The following ATL2 variants were observed in gnomAD, a reference collection of about 807,000 sequenced individuals.
ATL2 encodes the protein atlastin GTPase 2, also known as atlastin-2.
A neutral mutation model predicts 73.9 loss-of-function variants in ATL2; 31 were observed. The observed-to-expected ratio is 0.42, with a 90% CI of 0.32 to 0.57. The LOEUF is 0.57. ATL2 is among the 20% of genes least tolerant of loss of function. ATL2 has a pLI of 0.14. For synonymous variants in ATL2, 291 were observed against 237.5 expected (o/e 1.23, Z -2.07); for missense variants, 738 against 702.6 (o/e 1.05, Z -0.57).
chr2:38,327,957 G>A (rs946030950), intron 2 of ATL2, among the ~76,000 whole-genome samples: 2 of 151,910 alleles, frequency 1.3e-5, no homozygotes, highest in African/African-American at 4.8e-5. Context: ...TTGTCACAGT[G>A]GGTTTTTAAA....
At chr2:38,366,558 T>A (rs1671342893) in intron 1 of ATL2, among the ~76,000 whole-genome samples, 1 of 152,194 alleles carries the variant, frequency 6.6e-6, no homozygotes, top group African/African-American at 2.4e-5. Context: ...GCCTACACTT[T>A]GCTCTCTAAG....
At chr2:38,324,716 T>C (rs932278996) in intron 2 of ATL2, among the ~76,000 whole-genome samples, 10 of 152,190 alleles carry the variant, frequency 6.6e-5, no homozygotes, top group African/African-American at 2.4e-4. Context: ...TTAACATATT[T>C]TGATAAAAGG....
chr2:38,375,787 A>G (rs574746746), intron 1 of ATL2, among the ~76,000 whole-genome samples: 15 of 152,334 alleles, frequency 9.8e-5, no homozygotes, highest in Admixed American at 7.8e-4. Context: ...CTTCTTTGGT[A>G]GTTTTTTATT....
chr2:38,341,377 C>G (rs1483516820), intron 2 of ATL2, among the ~76,000 whole-genome samples: 2 of 152,136 alleles, frequency 1.3e-5, no homozygotes, highest in Non-Finnish European at 2.9e-5. Context: ...TGGCTCATAC[C>G]TGTAATCCCA....
At chr2:38,351,801 C>A (rs937984854) in intron 1 of ATL2, among the ~76,000 whole-genome samples, 7 of 148,806 alleles carry the variant, frequency 4.7e-5, no homozygotes, top group African/African-American at 1.5e-4. Flanking sequence ...CCAAAAAAAT[C>A]TATGTATTAT....
rs1345596267 is a variant in ATL2 at position 38,319,015 on chromosome 2, G to A, written c.368C>T (p.Ser123Phe). Residue 123 changes from serine to phenylalanine, a missense_variant, in exon 3 of 13, where the codon TCT becomes TTT. Ser to Phe is a radical substitution (Grantham distance 155). Coordinates refer to ENST00000378954, the MANE Select transcript of ATL2 (RefSeq NM_001135673.4). ...FMLRYMYNKD[S>F]QSWIGGNNEP... ...ATTGTTTCCACCAATCCAACTTTGAGAATCCTGTTAAAGTCAAGGATAAAT... is the reference window on the plus strand; with the variant it reads ...ATTGTTTCCACCAATCCAACTTTGAAAATCCTGTTAAAGTCAAGGATAAAT... 3 of 1,611,416 alleles carry A rather than the reference G, an allele frequency of 1.9e-6. No individual in the cohort carries two copies. Among genetic ancestry groups the A allele is most frequent in the African/African-American group, 2.7e-5 (2 of 74,778 alleles).
At chr2:38,335,389 A>T (rs1242126448) in intron 2 of ATL2, among the ~76,000 whole-genome samples, 1 of 152,226 alleles carries the variant, frequency 6.6e-6, no homozygotes, top group Non-Finnish European at 1.5e-5. Context: ...ATCCAATGAA[A>T]TATCACTCAG....
At chr2:38,309,902 C>T (rs2148419931) in intron 8 of ATL2, among the ~76,000 whole-genome samples, 1 of 152,082 alleles carries the variant, frequency 6.6e-6, no homozygotes, top group South Asian at 2.1e-4. Flanking sequence ...TTTGTCAATC[C>T]CCAAATGTTT....
intron 2 of ATL2, among the ~76,000 whole-genome samples, chr2:38,331,478 C>A (rs1396111446): frequency 6.8e-6 from 1 of 147,424 alleles, no homozygotes; most frequent in Non-Finnish European, 1.5e-5. Context: ...GGCATGGCAG[C>A]GCATGCCTGT....
At chr2:38,378,329 C>T (rs1013274980), upstream of ATL2, among the ~76,000 whole-genome samples, 2 of 152,166 alleles carry the variant, frequency 1.3e-5, no homozygotes, top group Non-Finnish European at 2.9e-5. Flanking sequence ...TGGCTCACGC[C>T]TCCCGGGTTC....
At chr2:38,351,267 T>A (rs1328485580) in intron 1 of ATL2, among the ~76,000 whole-genome samples, 1 of 152,138 alleles carries the variant, frequency 6.6e-6, no homozygotes, top group East Asian at 1.9e-4. Context: ...AAGTTTATTC[T>A]AGCACATATT....
At chr2:38,326,222 A>G (rs1668657027) in intron 2 of ATL2, among the ~76,000 whole-genome samples, 1 of 152,266 alleles carries the variant, frequency 6.6e-6, no homozygotes, top group Non-Finnish European at 1.5e-5. Flanking sequence ...TTTGAGTTCA[A>G]TAAAAGTTCT....
chr2:38,372,784 C>T (rs1222359972), intron 1 of ATL2, among the ~76,000 whole-genome samples: 5 of 152,150 alleles, frequency 3.3e-5, no homozygotes, highest in Non-Finnish European at 5.9e-5. Flanking sequence ...TAACCACCTC[C>T]GACAGAATAT....
intron 12 of ATL2, chr2:38,296,501 A>G: frequency 1.9e-5 from 31 of 1,613,386 alleles, no homozygotes; most frequent in Non-Finnish European, 2.6e-5. Flanking sequence ...TCTTCTTGTT[A>G]TTGTTGGATG....
intron 1 of ATL2, among the ~76,000 whole-genome samples, chr2:38,364,479 AG>A (rs1318705338): frequency 6.6e-6 from 1 of 152,206 alleles, no homozygotes; most frequent in East Asian, 1.9e-4. Context: ...CAAAGTCAAG[AG>A]GTGACAGTAA....
At chr2:38,300,953 T>C (rs1488880371) in intron 9 of ATL2, among the ~76,000 whole-genome samples, 1 of 150,940 alleles carries the variant, frequency 6.6e-6, no homozygotes, top group Non-Finnish European at 1.5e-5. Flanking sequence ...GAAGTCCATA[T>C]AGGGTCTTTC....
chr2:38,295,971 G>A lies in ATL2; in HGVS notation c.*23C>T. 1 of 1,494,672 alleles carries A rather than the reference G, an allele frequency of 6.7e-7. No individual in the cohort carries two copies. Among genetic ancestry groups the A allele is most frequent in the Non-Finnish European group, 9.1e-7 (1 of 1,102,686 alleles). The allele number at this position is 1,494,672 out of a possible 1,614,324, so 92.6% of individuals were successfully genotyped here. A position where few individuals can be genotyped will look rare whatever the true frequency, so the allele number is the denominator to read the frequency against. The stretch of plus-strand genomic sequence containing the variant: ...AGCAAGCATGAAAAAAAAAGAGAGT[G>A]GAGTCCGTGAGGAGATGAACTGTCA... On this transcript the variant is annotated 3_prime_UTR_variant, in exon 13 of 13. Coordinates refer to ENST00000378954, the MANE Select transcript of ATL2 (RefSeq NM_001135673.4).
intron 2 of ATL2, among the ~76,000 whole-genome samples, chr2:38,330,085 T>C (rs1668897028): frequency 1.3e-5 from 2 of 151,344 alleles, no homozygotes; most frequent in Non-Finnish European, 2.9e-5. Context: ...GCCGAGATTG[T>C]GCCACTGCAC....
At chr2:38,336,372 T>A (rs896101607) in intron 2 of ATL2, among the ~76,000 whole-genome samples, 13 of 152,208 alleles carry the variant, frequency 8.5e-5, no homozygotes, top group Admixed American at 7.2e-4. Context: ...ACAGTTTTTT[T>A]AAAATGCCAT....
Sources: gnomAD v4.1 joint callset for allele counts (sites outside exome capture counted in the v4.1 genomes callset) on GRCh38, gnomAD v4.1.1 for gene constraint, MANE v1.5 for transcripts, NCBI Gene and HGNC (gene_info 2026-07-23, HGNC 2026-07-21) for gene names.